The following PRIM2 variants were observed in gnomAD, a reference collection of about 807,000 sequenced individuals.
The protein encoded by PRIM2 is DNA primase large subunit.
Under a neutral mutation model 67.3 loss-of-function variants are expected in PRIM2, and 39 were observed. That is an observed-to-expected ratio of 0.58 (90% CI 0.45 to 0.76). The LOEUF is 0.76. Ranked by LOEUF, PRIM2 falls within the 30% of genes least tolerant of loss-of-function variation. PRIM2 has a pLI of 0.00. For synonymous variants in PRIM2, 143 were observed against 198.7 expected (o/e 0.72, Z 2.36); for missense variants, 398 against 598.7 (o/e 0.66, Z 3.50).
the PRIM2 span, among the ~76,000 whole-genome samples, chr6:57,233,792 CCACAGGTG>C: frequency 9.9e-5 from 15 of 151,866 alleles, no homozygotes; most frequent in Non-Finnish European, 2.1e-4. Flanking sequence ...GTAGCTAGGA[CCACAGGTG>C]CACAGTACTA....
the PRIM2 span, among the ~76,000 whole-genome samples, chr6:57,286,771 A>C: frequency 1.3e-5 from 2 of 152,224 alleles, no homozygotes; most frequent in African/African-American, 4.8e-5. Context: ...ATCTAAATAA[A>C]CTAATAAGCT....
At chr6:57,236,135 T>C in the PRIM2 span, among the ~76,000 whole-genome samples, 1 of 152,228 alleles carries the variant, frequency 6.6e-6, no homozygotes, top group African/African-American at 2.4e-5. Context: ...TGTCTCCTAC[T>C]ATAAAATCTA....
intron 12 of PRIM2, among the ~76,000 whole-genome samples, chr6:57,627,413 G>A (rs1249330292): frequency 1.3e-5 from 2 of 150,432 alleles, no homozygotes; most frequent in African/African-American, 4.9e-5. Context: ...TTCTGAGATG[G>A]AGTCTTGCTC....
intron 7 of PRIM2, among the ~76,000 whole-genome samples, chr6:57,386,051 A>C (rs1770135466): frequency 6.6e-6 from 1 of 151,832 alleles, no homozygotes; most frequent in African/African-American, 2.4e-5. Context: ...GGTATTGAGT[A>C]TATCTGTGTA....
At chr6:57,320,583 GT>G in intron 3 of PRIM2, 23 bp downstream of exon 3, 1 of 1,456,180 alleles carries the variant, frequency 6.9e-7, no homozygotes, top group Non-Finnish European at 9.4e-7. Flanking sequence ...GGAAAAAAAA[GT>G]TCCTTCAGTT....
chr6:57,329,431 G>A (rs1767979497), intron 5 of PRIM2, among the ~76,000 whole-genome samples: 2 of 152,250 alleles, frequency 1.3e-5, no homozygotes, highest in South Asian at 2.1e-4. Context: ...TGGCACACTT[G>A]TCAAGTCAGT....
chr6:57,226,366 G>A, the PRIM2 span, among the ~76,000 whole-genome samples: 6 of 152,184 alleles, frequency 3.9e-5, no homozygotes, highest in African/African-American at 1.2e-4. Flanking sequence ...AATGAGTTTG[G>A]TGAAGAATAG....
intron 8 of PRIM2, among the ~76,000 whole-genome samples, chr6:57,518,410 C>T (rs1250531718): frequency 1.3e-5 from 2 of 152,158 alleles, no homozygotes; most frequent in Non-Finnish European, 2.9e-5. Flanking sequence ...TTGGAATGAT[C>T]GTTTTAATTT....
At chr6:57,388,783 G>C (rs1296157151) in intron 7 of PRIM2, among the ~76,000 whole-genome samples, 2 of 152,176 alleles carry the variant, frequency 1.3e-5, no homozygotes, top group East Asian at 3.9e-4. Context: ...ATAAAATAAA[G>C]AGTTCTATTC....
chr6:57,601,200 A>C lies in PRIM2; in HGVS notation c.1128A>C (p.Pro376=). The part of the protein sequence containing the change: ...SCLKIILSNP[P]SQGDYHGCPF... ...TGAAGATTATTCTGTCCAATCCACC[A>C]AGCCAAGGGGATTATCATGGTAAGT... is the stretch of plus-strand genomic sequence containing the variant. Residue 376 remains proline (P), a synonymous_variant, in exon 11 of 14, where the codon CCA becomes CCC. Coordinates refer to ENST00000615550, the MANE Select transcript of PRIM2 (RefSeq NM_000947.5). The C allele has an allele frequency of 1.2e-6, 2 of 1,608,948 alleles. No individual in the cohort carries two copies. Among genetic ancestry groups the C allele is most frequent in the Admixed American group, 3.4e-5 (2 of 59,160 alleles).
chr6:57,604,470 T>G (rs1227021678), intron 11 of PRIM2, among the ~76,000 whole-genome samples: 96 of 152,256 alleles, frequency 6.3e-4, no homozygotes, highest in Non-Finnish European at 7.4e-5. Context: ...TTCTTTTGCC[T>G]GATTGCTCTG....
At chr6:57,266,480 A>C in the PRIM2 span, among the ~76,000 whole-genome samples, 2 of 152,172 alleles carry the variant, frequency 1.3e-5, no homozygotes, top group Non-Finnish European at 2.9e-5. Flanking sequence ...TTGCAACCAC[A>C]GTTGCTTATA....
intron 7 of PRIM2, among the ~76,000 whole-genome samples, chr6:57,434,742 C>G (rs1368539564): frequency 6.6e-6 from 1 of 151,812 alleles, no homozygotes; most frequent in Non-Finnish European, 1.5e-5. Flanking sequence ...TTTAATATAT[C>G]AGAATCCTGG....
chr6:57,439,173 G>C (rs961731036), intron 7 of PRIM2, among the ~76,000 whole-genome samples: 3 of 152,046 alleles, frequency 2.0e-5, no homozygotes, highest in Non-Finnish European at 4.4e-5. Flanking sequence ...CTTTGGCTTT[G>C]GGTTTGTGGT....
intron 12 of PRIM2, among the ~76,000 whole-genome samples, chr6:57,610,473 A>G (rs1252149090): frequency 1.3e-5 from 2 of 152,146 alleles, no homozygotes; most frequent in African/African-American, 4.8e-5. Flanking sequence ...TTACAGGATC[A>G]CATTTCATTT....
chr6:57,275,754 G>A, the PRIM2 span, among the ~76,000 whole-genome samples: 1 of 152,196 alleles, frequency 6.6e-6, no homozygotes, highest in Non-Finnish European at 1.5e-5. Flanking sequence ...TACAGTGGCT[G>A]GAGAGTGCTG....
chr6:57,320,432 T>C, intron 2 of PRIM2, 25 bp from the exon 3 acceptor site: 8 of 1,479,254 alleles, frequency 5.4e-6, no homozygotes, highest in Non-Finnish European at 7.3e-6. Context: ...TTATCTTGCA[T>C]TTATACCTTT....
the PRIM2 span, among the ~76,000 whole-genome samples, chr6:57,270,833 A>G: frequency 4.6e-5 from 7 of 152,294 alleles, no homozygotes; most frequent in East Asian, 1.3e-3. Flanking sequence ...AGTTTTTAGC[A>G]TGAAGCGTTG....
intron 7 of PRIM2, among the ~76,000 whole-genome samples, chr6:57,466,857 C>T (rs1260180927): frequency 0.069 from 10,561 of 152,118 alleles, 525 homozygotes; most frequent in East Asian, 0.2. Context: ...CAGTGGCTCA[C>T]GCCTGTAATC....
Sources: allele counts gnomAD v4.1 joint callset (sites outside exome capture counted in the v4.1 genomes callset), GRCh38; gene constraint gnomAD v4.1.1; transcripts MANE v1.5; gene names NCBI Gene and HGNC (gene_info 2026-07-23, HGNC 2026-07-21).